RAPGEF2: variants seen among roughly 807,000 people sequenced by gnomAD.
RAPGEF2 encodes PDZ domain containing guanine nucleotide exchange factor (GEF) 1.
A neutral mutation model predicts 186.7 loss-of-function variants in RAPGEF2; 54 were observed. The ratio of observed to expected loss-of-function variants is 0.29; its 90% CI spans 0.23 to 0.36. The LOEUF (loss-of-function observed/expected upper bound fraction) is 0.36. RAPGEF2 is among the 10% of genes least tolerant of loss of function. RAPGEF2 has a pLI of 1.00. For missense variants in RAPGEF2, 1,532 were observed against 2,045.0 expected (o/e 0.75, Z 4.84); for synonymous variants, 712 against 705.9 (o/e 1.01, Z -0.14).
intron 1 of RAPGEF2, among the ~76,000 whole-genome samples, chr4:159,126,459 T>G (rs1004819019): frequency 1.3e-5 from 2 of 152,096 alleles, no homozygotes; most frequent in Admixed American, 1.3e-4. Flanking sequence ...ATTTTTAGTT[T>G]TCTTTATATA....
intron 1 of RAPGEF2, 143 bp from the exon 2 acceptor site, chr4:159,186,499 G>T (rs1747570630): frequency 2.3e-6 from 1 of 436,160 alleles, no homozygotes; most frequent in Non-Finnish European, 4.0e-6. Flanking sequence ...TTTTAATAAT[G>T]TTTATTTTTA....
intron 7 of RAPGEF2, among the ~76,000 whole-genome samples, chr4:159,248,381 G>A (rs1228124297): frequency 1.3e-5 from 2 of 152,188 alleles, no homozygotes; most frequent in Non-Finnish European, 2.9e-5. Context: ...TTGGATGCCT[G>A]ATGCTTTATG....
rs574646793 is a variant in RAPGEF2, at chr4:159,300,490, AG to A, written c.544-3851del. ...ATAAAAATGAAAAATATAGGTGAAA[AG>A]ATTCCTTGGAATTGTGTTCTTAATG... On this transcript the variant is annotated intron_variant, in intron 7 of 29. Coordinates refer to ENST00000691494, the MANE Select transcript of RAPGEF2 (RefSeq NM_001394067.2). 4.8e-3 allele frequency among the ~76,000 whole-genome samples: 726 copies of A among 152,162 alleles called. 4 individuals are homozygous for A. Among genetic ancestry groups the A allele is most frequent in the African/African-American group, 0.016 (677 of 41,540 alleles).
chr4:159,157,944 A>G (rs1002696103), intron 1 of RAPGEF2, among the ~76,000 whole-genome samples: 1 of 152,144 alleles, frequency 6.6e-6, no homozygotes, highest in African/African-American at 2.4e-5. Flanking sequence ...GAATTGGGGT[A>G]GGGACCGAGA....
rs1176829075 is a variant in RAPGEF2, at chr4:159,249,222, C to CA, written c.543+5432dup. Among the ~76,000 whole-genome samples the CA allele has an allele frequency of 2.7e-5, 4 of 146,106 alleles. No homozygotes were observed. The South Asian group carries it at 8.4e-4, about 31-fold the overall frequency. On this transcript the variant is annotated intron_variant, in intron 7 of 29. Coordinates refer to ENST00000691494, the MANE Select transcript of RAPGEF2 (RefSeq NM_001394067.2). ...CATCTTCGACTGTTTCATTTCTTAT[C>CA]ATGTGATTTTTTTTTTTGTCATGAG... is the stretch of plus-strand genomic sequence containing the variant.
intron 2 of RAPGEF2, among the ~76,000 whole-genome samples, chr4:159,190,530 T>TTAC: frequency 6.6e-6 from 1 of 152,326 alleles, no homozygotes; most frequent in South Asian, 2.1e-4. Flanking sequence ...TCTAAGGTTG[T>TTAC]TACTGTATTA....
At chr4:159,159,278 C>T (rs1225223332) in intron 1 of RAPGEF2, among the ~76,000 whole-genome samples, 2 of 152,194 alleles carry the variant, frequency 1.3e-5, no homozygotes, top group Non-Finnish European at 2.9e-5. Flanking sequence ...CCTCAGATTC[C>T]ACTGTTAGGC....
intron 7 of RAPGEF2, among the ~76,000 whole-genome samples, chr4:159,259,835 C>G (rs1756595021): frequency 6.6e-6 from 1 of 151,914 alleles, no homozygotes; most frequent in African/African-American, 2.4e-5. Flanking sequence ...AAAAATACTT[C>G]TATAAAACTA....
At chr4:159,356,501 A>G (rs1732031398) in intron 29 of RAPGEF2, among the ~76,000 whole-genome samples, 2 of 152,208 alleles carry the variant, frequency 1.3e-5, no homozygotes, top group Admixed American at 1.3e-4. Flanking sequence ...ATGGCTTAAA[A>G]AATCCCAAAG....
At chr4:159,254,116 TATA>T (rs1300216667) in intron 7 of RAPGEF2, among the ~76,000 whole-genome samples, 2 of 152,246 alleles carry the variant, frequency 1.3e-5, no homozygotes, top group African/African-American at 4.8e-5. Context: ...TGGGTGGAGA[TATA>T]ATGTAATTAA....
chr4:159,246,054 C>T (rs10030466), intron 7 of RAPGEF2, among the ~76,000 whole-genome samples: 40,959 of 151,896 alleles, frequency 0.27, 6,436 homozygotes, highest in African/African-American at 0.43. Context: ...ATAAAACATA[C>T]TTATAAAGTT....
intron 7 of RAPGEF2, among the ~76,000 whole-genome samples, chr4:159,298,288 C>G (rs1198921863): frequency 1.3e-5 from 2 of 152,010 alleles, no homozygotes; most frequent in Admixed American, 1.3e-4. Context: ...AAATCTTTCT[C>G]TTTGCTTTGT....
chr4:159,222,874 C>G (rs11727284), intron 4 of RAPGEF2, among the ~76,000 whole-genome samples: 1,583 of 151,526 alleles, frequency 0.01, 15 homozygotes, highest in Non-Finnish European at 0.014. Flanking sequence ...ATAAAAATGT[C>G]CAATTAATCA....
intron 1 of RAPGEF2, among the ~76,000 whole-genome samples, chr4:159,114,044 C>T (rs1738780121): frequency 6.6e-6 from 1 of 151,822 alleles, no homozygotes; most frequent in South Asian, 2.1e-4. Context: ...GCAGCCTCGT[C>T]CTGGGCTCAA....
intron 1 of RAPGEF2, among the ~76,000 whole-genome samples, chr4:159,163,794 A>G (rs988536099): frequency 3.0e-4 from 44 of 149,016 alleles, no homozygotes; most frequent in African/African-American, 1.1e-3. Flanking sequence ...GGGTTACTGA[A>G]AGATGAAAGG....
In RAPGEF2 at chr4:159,338,288, T is replaced by A. The variant is rs201962851; in HGVS notation, c.2136-23T>A. On this transcript the variant is annotated intron_variant, in intron 17 of 29. Coordinates refer to ENST00000691494, the MANE Select transcript of RAPGEF2 (RefSeq NM_001394067.2). ...ACAACTTTTTAACTTGTTGATAATT[T>A]TCTAATTTTCCTCTTTGTTCAGTGA... 3.8e-6 allele frequency: 6 copies of A among 1,591,170 alleles called. No homozygotes were observed. In the Admixed American group the frequency reaches 1.0e-4, roughly 27 times the overall value.
At chr4:159,317,513 G>T (rs1764743714) in intron 9 of RAPGEF2, among the ~76,000 whole-genome samples, 1 of 152,128 alleles carries the variant, frequency 6.6e-6, no homozygotes, top group South Asian at 2.1e-4. Context: ...TGAGTGGAAT[G>T]GTTCTGTTTC....
intron 3 of RAPGEF2, among the ~76,000 whole-genome samples, chr4:159,207,877 T>C (rs1326486400): frequency 6.6e-6 from 1 of 152,234 alleles, no homozygotes; most frequent in African/African-American, 2.4e-5. Context: ...AATTTGAGAA[T>C]AATGCTGTCA....
Position 159,341,571 on chromosome 4 carries a change from C to G in RAPGEF2, c.2542C>G (p.Leu848Val). ...DRIQLSGRYY[L>V]KNNMETETLC... ...TGTTTCTGTTTTTCATAGGTATTAT[C>G]TGAAAAACAACATGGAAACAGAAAC... The change falls in exon 20 of 30, where the codon CTG becomes GTG. Residue 848 changes from leucine to valine, a missense_variant. This residue lies in a region of RAPGEF2 where 810 missense variants were observed against 1,210.5 expected (regional missense o/e 0.67). Transcript: ENST00000691494. The G allele has an allele frequency of 6.3e-7, 1 of 1,590,824 alleles. No individual in the cohort carries two copies. The highest frequency in any genetic ancestry group is 8.5e-7 in the Non-Finnish European group (1 of 1,171,400).
Sources: allele counts gnomAD v4.1 joint callset (sites outside exome capture counted in the v4.1 genomes callset), GRCh38; gene constraint gnomAD v4.1.1; regional missense constraint gnomAD v4.1.1; transcripts MANE v1.5; gene names NCBI Gene and HGNC (gene_info 2026-07-23, HGNC 2026-07-21).